The following AUTS2 variants were observed in gnomAD, a reference collection of about 807,000 sequenced individuals.
AUTS2 encodes autism susceptibility gene 2 protein.
Under a neutral mutation model 112.4 loss-of-function variants are expected in AUTS2, and 17 were observed. That is an observed-to-expected ratio of 0.15 (90% confidence interval 0.10 to 0.23). The LOEUF (loss-of-function observed/expected upper bound fraction) is 0.23. Among genes scored for constraint, AUTS2 ranks in the 10% least tolerant of loss-of-function variants. The pLI is 1.00. For missense variants in AUTS2, 1,510 were observed against 1,701.6 expected (o/e 0.89, Z 1.98); for synonymous variants, 751 against 702.7 (o/e 1.07, Z -1.09).
intron 6 of AUTS2, among the ~76,000 whole-genome samples, chr7:70,706,013 A>G (rs1809718627): frequency 6.6e-6 from 1 of 152,202 alleles, no homozygotes; most frequent in African/African-American, 2.4e-5. Flanking sequence ...TCCCATGTGC[A>G]GTTTCTATTA....
In AUTS2 at chr7:70,698,640, C is replaced by G. The variant is rs1809271626; in HGVS notation, c.742+20C>G. ...ACAAAGGTAAGACCCATTCATTCTC[C>G]TGAGTAATGGCTTATTTTTATGTTA... On this transcript the variant is annotated intron_variant, in intron 6 of 18. Transcript: ENST00000342771. The G allele has an allele frequency of 6.3e-7, 1 of 1,579,452 alleles. No individual in the cohort carries two copies. Among genetic ancestry groups the G allele is most frequent in the Non-Finnish European group, 8.6e-7 (1 of 1,156,884 alleles).
chr7:69,928,497 G>A (rs1256617199), intron 2 of AUTS2, among the ~76,000 whole-genome samples: 1 of 152,220 alleles, frequency 6.6e-6, no homozygotes, highest in Non-Finnish European at 1.5e-5. Context: ...GCTGCCCTCA[G>A]CAGCTCCAGC....
intron 1 of AUTS2, among the ~76,000 whole-genome samples, chr7:69,652,499 G>A (rs1202987265): frequency 2.0e-5 from 3 of 150,958 alleles, no homozygotes; most frequent in Non-Finnish European, 4.4e-5. Context: ...AAGCACTTTG[G>A]AACTTAGGAG....
At chr7:70,474,846 G>T (rs571560184) in intron 5 of AUTS2, among the ~76,000 whole-genome samples, 2 of 152,174 alleles carry the variant, frequency 1.3e-5, no homozygotes, top group African/African-American at 4.8e-5. Context: ...ACTTTATGAC[G>T]GAAGCTGTTG....
At chr7:70,695,219 T>C (rs1392743971) in intron 5 of AUTS2, among the ~76,000 whole-genome samples, 1 of 152,034 alleles carries the variant, frequency 6.6e-6, no homozygotes, top group African/African-American at 2.4e-5. Context: ...CTCCCTTCTT[T>C]CCTCCCCCCT....
chr7:70,509,112 G>A (rs1799083908), intron 5 of AUTS2, among the ~76,000 whole-genome samples: 2 of 152,130 alleles, frequency 1.3e-5, no homozygotes, highest in Admixed American at 1.3e-4. Flanking sequence ...AATAATAATA[G>A]GTGTGCATTA....
chr7:70,091,751 C>T (rs1803932959), intron 2 of AUTS2, among the ~76,000 whole-genome samples: 1 of 152,144 alleles, frequency 6.6e-6, no homozygotes, highest in Non-Finnish European at 1.5e-5. Flanking sequence ...ATCATCTGAG[C>T]ACGTACTTTT....
At chr7:70,660,468 A>G (rs572605079) in intron 5 of AUTS2, among the ~76,000 whole-genome samples, 5 of 152,360 alleles carry the variant, frequency 3.3e-5, no homozygotes, top group African/African-American at 1.2e-4. Context: ...GGATAATCAG[A>G]TGTTTCATTT....
chr7:70,515,393 G>A (rs1384293513), intron 5 of AUTS2, among the ~76,000 whole-genome samples: 1 of 152,114 alleles, frequency 6.6e-6, no homozygotes, highest in Non-Finnish European at 1.5e-5. Flanking sequence ...GGATTTCCGG[G>A]AACTATTTGA....
At chr7:70,134,627 A>G (rs189978794) in intron 4 of AUTS2, 56 bp downstream of exon 4, 139 of 1,477,112 alleles carry the variant, frequency 9.4e-5, no homozygotes, top group Non-Finnish European at 1.2e-4. Flanking sequence ...ATTTCCTTCT[A>G]TAATGAATGC....
At chr7:70,102,747 T>G (rs1412467406) in intron 2 of AUTS2, among the ~76,000 whole-genome samples, 1 of 151,852 alleles carries the variant, frequency 6.6e-6, no homozygotes, top group Non-Finnish European at 1.5e-5. Flanking sequence ...TTGATTATAG[T>G]TTTTTTTCCA....
intron 12 of AUTS2, 166 bp from the exon 13 acceptor site, chr7:70,775,191 C>G (rs1190895255): frequency 1.6e-6 from 1 of 634,264 alleles, no homozygotes; most frequent in African/African-American, 1.8e-5. Flanking sequence ...ACACTTGGCA[C>G]TTTTGATAGT....
At chr7:70,743,374 C>G (rs1426094416) in intron 6 of AUTS2, among the ~76,000 whole-genome samples, 1 of 146,750 alleles carries the variant, frequency 6.8e-6, no homozygotes, top group Admixed American at 7.1e-5. Context: ...GAGGCTGAGG[C>G]AGGAGAACCA....
At chr7:70,334,237 T>C (rs1217551427) in intron 4 of AUTS2, among the ~76,000 whole-genome samples, 1 of 152,182 alleles carries the variant, frequency 6.6e-6, no homozygotes, top group African/African-American at 2.4e-5. Flanking sequence ...TTCATAAATA[T>C]TCTTTATCAT....
chr7:69,898,214 T>C (rs1343567269), intron 1 of AUTS2, among the ~76,000 whole-genome samples: 1 of 152,028 alleles, frequency 6.6e-6, no homozygotes, highest in Non-Finnish European at 1.5e-5. Flanking sequence ...ATGAAAAAAT[T>C]TTTAAAAAGT....
chr7:69,681,745 A>T (rs1167224100), intron 1 of AUTS2, among the ~76,000 whole-genome samples: 1 of 152,244 alleles, frequency 6.6e-6, no homozygotes, highest in African/African-American at 2.4e-5. Context: ...CATCTAAAAA[A>T]TATACTGTGT....
chr7:69,845,624 A>G (rs1248453222), intron 1 of AUTS2, among the ~76,000 whole-genome samples: 1 of 152,174 alleles, frequency 6.6e-6, no homozygotes, highest in Non-Finnish European at 1.5e-5. Flanking sequence ...ATTTTGGCCT[A>G]TTCCTGCAGA....
At chr7:69,812,706 T>C (rs982195715) in intron 1 of AUTS2, among the ~76,000 whole-genome samples, 1 of 152,208 alleles carries the variant, frequency 6.6e-6, no homozygotes, top group Non-Finnish European at 1.5e-5. Flanking sequence ...GCTCCAGATT[T>C]AGGTTCTTTT....
chr7:69,680,143 G>A (rs145045030), intron 1 of AUTS2, among the ~76,000 whole-genome samples: 1 of 152,316 alleles, frequency 6.6e-6, no homozygotes, highest in African/African-American at 2.4e-5. Flanking sequence ...GTTTAGGCAT[G>A]CTGCCTTATA....
Sources: allele counts gnomAD v4.1 joint callset (sites outside exome capture counted in the v4.1 genomes callset), GRCh38; gene constraint gnomAD v4.1.1; transcripts MANE v1.5; gene names NCBI Gene and HGNC (gene_info 2026-07-23, HGNC 2026-07-21).